Variants in ARMC3 observed in about 807,000 individuals in gnomAD.
ARMC3 encodes armadillo repeat-containing protein 3.
Under a neutral mutation model 90.3 loss-of-function variants are expected in ARMC3, and 74 were observed. That is an observed-to-expected ratio of 0.82 (90% CI 0.68 to 0.99). The LOEUF (loss-of-function observed/expected upper bound fraction) is 0.99, where lower values mean the gene tolerates loss of function less well. Ranked by LOEUF, ARMC3 falls within the 50% of genes least tolerant of loss-of-function variation. ARMC3 has a pLI of 0.00. For synonymous variants in ARMC3, 334 were observed against 361.8 expected, an observed-to-expected ratio of 0.92 and a Z score of 0.87; for missense variants, 958 against 1,042.8, an observed-to-expected ratio of 0.92 and a Z score of 1.12.
Position 22,978,074 on chromosome 10 carries a change from A to G in ARMC3, c.917-3266A>G, listed in dbSNP as rs118160901. Among the ~76,000 whole-genome samples, 609 of 152,202 alleles carry G rather than the reference A, an allele frequency of 4.0e-3. 1 individual carries two copies. The highest frequency in any genetic ancestry group is 0.017 in the Middle Eastern group (5 of 294). On this transcript the variant is annotated intron_variant, in intron 8 of 18. Transcript: ENST00000298032. The stretch of plus-strand genomic sequence containing the variant: ...CTAATTATTCTCCTCTATTTTGGTT[A>G]TTTACCTCTTAACTCTTATTATCTG...
intron 16 of ARMC3, among the ~76,000 whole-genome samples, chr10:23,013,169 G>A (rs10828397): frequency 0.59 from 89,950 of 151,284 alleles, 28,685 homozygotes; most frequent in Non-Finnish European, 0.72. Flanking sequence ...AAAATGCTGG[G>A]ATTACAGGCG....
At chr10:22,953,910 G>A (rs941307561) in intron 3 of ARMC3, among the ~76,000 whole-genome samples, 1 of 152,142 alleles carries the variant, frequency 6.6e-6, no homozygotes. Context: ...TCATATGGTA[G>A]GTGTACATCA....
At chr10:22,947,732 TA>T (rs147546163) in intron 3 of ARMC3, among the ~76,000 whole-genome samples, 5,465 of 152,278 alleles carry the variant, frequency 0.036, 141 homozygotes, top group Non-Finnish European at 0.057. Context: ...ATGTTAATAA[TA>T]GGGGAAACTG....
chr10:22,959,945 C>T, intron 6 of ARMC3: 1 of 410,648 alleles, frequency 2.4e-6, no homozygotes, highest in Non-Finnish European at 4.7e-6. Context: ...ATACCCTATT[C>T]AATGTACTGA....
intron 8 of ARMC3, among the ~76,000 whole-genome samples, chr10:22,968,859 C>T (rs1835559747): frequency 6.6e-6 from 1 of 152,136 alleles, no homozygotes; most frequent in Non-Finnish European, 1.5e-5. Context: ...CTAATCAACA[C>T]TAGAGCATTT....
intron 3 of ARMC3, 45 bp from the exon 4 acceptor site, chr10:22,955,762 G>C: frequency 6.2e-7 from 1 of 1,608,676 alleles, no homozygotes; most frequent in Non-Finnish European, 8.5e-7. Context: ...ATGCTGATGA[G>C]ATCGATAATA....
At chr10:22,993,032 A>G (rs1836779146) in intron 10 of ARMC3, among the ~76,000 whole-genome samples, 1 of 152,172 alleles carries the variant, frequency 6.6e-6, no homozygotes, top group Non-Finnish European at 1.5e-5. Context: ...AATGGTTGTA[A>G]TCACTGTTAA....
chr10:22,987,305 A>G (rs1341350417), intron 10 of ARMC3, among the ~76,000 whole-genome samples: 2 of 152,198 alleles, frequency 1.3e-5, no homozygotes, highest in African/African-American at 2.4e-5. Context: ...GACCCTACAC[A>G]TTAAAAGAAT....
chr10:22,940,385 T>C (rs577970262), intron 2 of ARMC3, among the ~76,000 whole-genome samples: 1 of 152,362 alleles, frequency 6.6e-6, no homozygotes, highest in South Asian at 2.1e-4. Context: ...TGAGACAAAT[T>C]AACTAAGACC....
At chr10:23,031,741 T>C (rs771363991) in intron 17 of ARMC3, among the ~76,000 whole-genome samples, 1 of 152,130 alleles carries the variant, frequency 6.6e-6, no homozygotes, top group Non-Finnish European at 1.5e-5. Context: ...CAAACAATTG[T>C]CTTTTTTTAA....
intron 18 of ARMC3, among the ~76,000 whole-genome samples, chr10:23,035,127 G>T (rs544833792): frequency 4.3e-4 from 66 of 152,282 alleles, no homozygotes; most frequent in African/African-American, 1.6e-3. Flanking sequence ...TTCCTGGTTT[G>T]CAGACAGCCA....
chr10:22,996,804 T>C (rs1387515425), intron 10 of ARMC3, among the ~76,000 whole-genome samples: 1 of 152,210 alleles, frequency 6.6e-6, no homozygotes, highest in Non-Finnish European at 1.5e-5. Flanking sequence ...ATAATTGTCA[T>C]AACTTCTTTT....
intron 4 of ARMC3, among the ~76,000 whole-genome samples, chr10:22,958,396 A>G (rs2131245667): frequency 6.6e-6 from 1 of 152,344 alleles, no homozygotes; most frequent in African/African-American, 2.4e-5. Flanking sequence ...ATTTATTAAA[A>G]TCAGAATTTA....
chr10:22,956,811 ATATAT>A (rs1005059777), intron 4 of ARMC3, among the ~76,000 whole-genome samples: 75 of 148,394 alleles, frequency 5.1e-4, no homozygotes, highest in African/African-American at 1.7e-3. Flanking sequence ...ATATGTAATT[ATATAT>A]TATATATTAA....
chr10:22,939,243 G>C (rs1223037812), intron 2 of ARMC3, among the ~76,000 whole-genome samples: 1 of 152,092 alleles, frequency 6.6e-6, no homozygotes, highest in African/African-American at 2.4e-5. Flanking sequence ...CAGTTTGCAG[G>C]GTAGAGTACC....
chr10:22,939,669 TCTC>T (rs1489344140), intron 2 of ARMC3, among the ~76,000 whole-genome samples: 1 of 152,106 alleles, frequency 6.6e-6, no homozygotes, highest in Non-Finnish European at 1.5e-5. Flanking sequence ...AAGGAACACT[TCTC>T]CTCCCCCAGC....
intron 10 of ARMC3, among the ~76,000 whole-genome samples, chr10:22,993,241 A>C (rs7917328): frequency 2.0e-5 from 3 of 152,176 alleles, no homozygotes; most frequent in African/African-American, 7.2e-5. Flanking sequence ...AATGGTGTCA[A>C]CTGGTGCACA....
intron 16 of ARMC3, among the ~76,000 whole-genome samples, chr10:23,014,930 A>G (rs1838209575): frequency 6.6e-6 from 1 of 151,570 alleles, no homozygotes; most frequent in Admixed American, 6.6e-5. Flanking sequence ...CAAATTGCCT[A>G]TGTAACAAAC....
intron 16 of ARMC3, among the ~76,000 whole-genome samples, chr10:23,012,615 A>G (rs529591526): frequency 1.3e-5 from 2 of 152,126 alleles, no homozygotes; most frequent in African/African-American, 4.8e-5. Flanking sequence ...CATGTTAATC[A>G]TATTCCCATA....
Sources: allele counts gnomAD v4.1 joint callset (sites outside exome capture counted in the v4.1 genomes callset), GRCh38; gene constraint gnomAD v4.1.1; transcripts MANE v1.5; gene names NCBI Gene and HGNC (gene_info 2026-07-23, HGNC 2026-07-21).